The following ROR2 variants were observed in gnomAD, a reference collection of about 807,000 sequenced individuals.
The protein encoded by ROR2 is ROR family WNT receptor 2.
ROR2 carries 33 observed loss-of-function variants against 74.9 expected under a neutral mutation model. The observed-to-expected ratio is 0.44, with a 90% CI of 0.33 to 0.59. The LOEUF (loss-of-function observed/expected upper bound fraction) is 0.59, where lower values mean the gene tolerates loss of function less well. ROR2 is among the 20% of genes least tolerant of loss of function. The pLI, the probability that ROR2 is intolerant of heterozygous loss-of-function variation, is 0.02. For synonymous variants in ROR2, 586 were observed against 558.7 expected, an observed-to-expected ratio of 1.05 and a Z score of -0.69; for missense variants, 1,216 against 1,313.8, an observed-to-expected ratio of 0.93 and a Z score of 1.15.
rs1254684372 is a variant in ROR2 at position 91,950,104 on chromosome 9, G to T, written c.-141C>A. On this transcript the variant is annotated 5_prime_UTR_variant, in exon 1 of 9. Coordinates refer to ENST00000375708, the MANE Select transcript of ROR2 (RefSeq NM_004560.4). ...ACGGGTCCACTTCGAGGACCTCGTC[G>T]TCGTCCTCTTCTCCGGCCCGGATGC... The T allele has an allele frequency of 2.3e-6, 1 of 440,578 alleles. No homozygotes were observed. The highest frequency in any genetic ancestry group is 2.1e-5 in the African/African-American group (1 of 47,780). 27.3% of individuals were successfully genotyped at this position (440,578 alleles called of 1,614,324 possible). A position where few individuals can be genotyped will look rare whatever the true frequency, so the allele number is the denominator to read the frequency against.
At chr9:91,874,448 T>G (rs1192894497) in intron 1 of ROR2, among the ~76,000 whole-genome samples, 2 of 152,190 alleles carry the variant, frequency 1.3e-5, no homozygotes, top group East Asian at 3.8e-4. Context: ...AAGTTTTATC[T>G]AGAAAAACTA....
intron 1 of ROR2, among the ~76,000 whole-genome samples, chr9:91,807,941 CAG>C (rs1827620412): frequency 6.6e-6 from 1 of 152,088 alleles, no homozygotes; most frequent in Non-Finnish European, 1.5e-5. Context: ...CCTCTTGCAC[CAG>C]CTAAGACTTG....
chr9:91,740,011 T>G (rs553666777), intron 4 of ROR2, among the ~76,000 whole-genome samples: 8 of 152,276 alleles, frequency 5.3e-5, no homozygotes, highest in East Asian at 1.9e-4. Flanking sequence ...AGCTATGAGA[T>G]TCAGATCAGT....
At chr9:91,918,616 A>G (rs191138977) in intron 1 of ROR2, among the ~76,000 whole-genome samples, 122 of 152,342 alleles carry the variant, frequency 8.0e-4, no homozygotes, top group African/African-American at 2.8e-3. Flanking sequence ...GAAGCAAGTG[A>G]TAAAAATTTT....
At chr9:91,889,522 T>G (rs940735653) in intron 1 of ROR2, among the ~76,000 whole-genome samples, 2 of 152,154 alleles carry the variant, frequency 1.3e-5, no homozygotes, top group Admixed American at 6.5e-5. Flanking sequence ...ACCCTCTCTG[T>G]GTGGACCCGG....
At chr9:91,892,769 T>G (rs1830453492) in intron 1 of ROR2, among the ~76,000 whole-genome samples, 1 of 151,910 alleles carries the variant, frequency 6.6e-6, no homozygotes, top group Non-Finnish European at 1.5e-5. Context: ...TTTGTATTTT[T>G]TTAGTAGAGA....
chr9:91,923,461 T>C lies in ROR2; in HGVS notation c.97+26406A>G, dbSNP rs147518985. Among the ~76,000 whole-genome samples, 295 of 152,302 alleles carry C rather than the reference T, an allele frequency of 1.9e-3. 2 individuals carry two copies. In the Middle Eastern group the frequency reaches 0.02, roughly 11 times the overall value. ...AGAACAATGCACACCCTGGGCATCC[T>C]CCTATATCCAGAAATACCCAAGGTA... is the stretch of plus-strand genomic sequence containing the variant. On this transcript the variant is annotated intron_variant, in intron 1 of 8. Transcript: ENST00000375708.
rs1824907343 is a variant in ROR2, at chr9:91,733,573, A to C, written c.623-137T>G. 25 of 885,074 alleles carry C rather than the reference A, an allele frequency of 2.8e-5. No individual in the cohort carries two copies. Among genetic ancestry groups the C allele is most frequent in the African/African-American group, 1.1e-4 (5 of 45,078 alleles). 54.8% of individuals were successfully genotyped at this position (885,074 alleles called of 1,614,324 possible). On this transcript the variant is annotated intron_variant, in intron 5 of 8. Transcript: ENST00000375708. This position sits in a 1 kb window ranked among gnomAD's most constrained non-coding sequence, Gnocchi z 5.7. ...GCCCCGCCCCGCCCCAGACTCCCCA[A>C]CCCCGAGCCCCGCACACCACCCTGG... is the stretch of plus-strand genomic sequence containing the variant.
At chr9:91,848,760 GGAAGAAAAA>G (rs1432002038) in intron 1 of ROR2, among the ~76,000 whole-genome samples, 3 of 116,606 alleles carry the variant, frequency 2.6e-5, no homozygotes, top group African/African-American at 7.2e-5. Flanking sequence ...GTCTCAGGGG[GGAAGAAAAA>G]AAAAAAAAAA....
intron 2 of ROR2, among the ~76,000 whole-genome samples, chr9:91,762,178 T>C (rs773407441): frequency 6.6e-6 from 1 of 152,198 alleles, no homozygotes; most frequent in African/African-American, 2.4e-5. Context: ...TACTGCTGAA[T>C]CCAGTCTTCC....
At chr9:91,937,776 A>T (rs1267137970) in intron 1 of ROR2, among the ~76,000 whole-genome samples, 2 of 152,122 alleles carry the variant, frequency 1.3e-5, no homozygotes, top group African/African-American at 2.4e-5. Flanking sequence ...GAGTGCAGTG[A>T]TCACAGCACT....
chr9:91,785,573 A>T (rs1401835141), intron 1 of ROR2, among the ~76,000 whole-genome samples: 1 of 152,204 alleles, frequency 6.6e-6, no homozygotes, highest in Non-Finnish European at 1.5e-5. Context: ...GGTGACCACC[A>T]TCATGTTCAT....
intron 1 of ROR2, among the ~76,000 whole-genome samples, chr9:91,884,253 A>C (rs891459059): frequency 3.3e-5 from 5 of 152,148 alleles, no homozygotes; most frequent in Non-Finnish European, 7.4e-5. Flanking sequence ...GCTTCTGCTG[A>C]AATACATCCA....
rs375448033 is a variant in ROR2 at position 91,724,339 on chromosome 9, C to T, written c.2155G>A (p.Ala719Thr). The T allele has an allele frequency of 1.7e-5, 27 of 1,613,230 alleles. No individual in the cohort carries two copies. Among genetic ancestry groups the T allele is most frequent in the South Asian group, 8.8e-5 (8 of 91,090 alleles). Residue 719 changes from alanine (A) to threonine (T), a missense_variant, in exon 9 of 9, where the codon GCC becomes ACC. Physicochemically the swap from Ala to Thr is moderately conservative, Grantham distance 58. Transcript: ENST00000375708. ...QVLPCPDDCP[A>T]WVYALMIECW... Reference sequence around the variant, plus strand: ...TCGATCATGAGGGCATACACCCAGGCGGGACAGTCATCGGGGCAAGGCAGC... The same window carrying T: ...TCGATCATGAGGGCATACACCCAGGTGGGACAGTCATCGGGGCAAGGCAGC...
intron 1 of ROR2, chr9:91,886,963 G>A (rs1830299362): frequency 6.6e-6 from 1 of 152,134 alleles, no homozygotes; most frequent in African/African-American, 2.4e-5. Flanking sequence ...CTTTTATCCA[G>A]GACTGTCGGG....
At chr9:91,900,282 G>T (rs1830638669) in intron 1 of ROR2, among the ~76,000 whole-genome samples, 1 of 152,234 alleles carries the variant, frequency 6.6e-6, no homozygotes, top group East Asian at 1.9e-4. Flanking sequence ...AAGCAAACTG[G>T]ACGCCGCAAG....
At chr9:91,830,124 G>C (rs778683919) in intron 1 of ROR2, among the ~76,000 whole-genome samples, 1 of 152,118 alleles carries the variant, frequency 6.6e-6, no homozygotes, top group East Asian at 1.9e-4. Flanking sequence ...CAGTCAACTT[G>C]AGTTTTTCCT....
chr9:91,788,122 G>T (rs1465207932), intron 1 of ROR2, among the ~76,000 whole-genome samples: 1 of 151,972 alleles, frequency 6.6e-6, no homozygotes, highest in Non-Finnish European at 1.5e-5. Context: ...GCAGGCAGAA[G>T]AAAGAATCAG....
At chr9:91,825,848 G>A (rs1158689025) in intron 1 of ROR2, among the ~76,000 whole-genome samples, 1 of 152,216 alleles carries the variant, frequency 6.6e-6, no homozygotes, top group African/African-American at 2.4e-5. Context: ...ACAAATTGCT[G>A]TCTTGGGCAA....
Sources: gnomAD v4.1 joint callset for allele counts (sites outside exome capture counted in the v4.1 genomes callset) on GRCh38, gnomAD v4.1.1 for gene constraint, Gnocchi (gnomAD v3.1) non-coding constraint, MANE v1.5 for transcripts, NCBI Gene and HGNC (gene_info 2026-07-23, HGNC 2026-07-21) for gene names.